The following CEP350 variants were observed in gnomAD, a reference collection of about 807,000 sequenced individuals.
CEP350 encodes centrosomal protein 350, also known as centrosome-associated protein 350.
Under a neutral mutation model 331.8 loss-of-function variants are expected in CEP350, and 126 were observed. The ratio of observed to expected loss-of-function variants is 0.38; its 90% confidence interval spans 0.33 to 0.44. CEP350 has a LOEUF of 0.44. Ranked by LOEUF, CEP350 falls within the 20% of genes least tolerant of loss-of-function variation. The probability of loss-of-function intolerance (pLI) is 1.00; values close to 1 mark genes in which losing one functional copy is unlikely to be tolerated. For missense variants in CEP350, 3,406 were observed against 3,634.6 expected (o/e 0.94, Z 1.62); for synonymous variants, 1,200 against 1,259.5 (o/e 0.95, Z 1.00).
intron 1 of CEP350, among the ~76,000 whole-genome samples, chr1:179,980,825 T>A (rs1652224632): frequency 1.3e-5 from 2 of 152,156 alleles, no homozygotes; most frequent in African/African-American, 4.8e-5. Flanking sequence ...CAAAAAACAT[T>A]GTTAGCACAA....
intron 26 of CEP350, among the ~76,000 whole-genome samples, chr1:180,063,730 T>C (rs1319476712): frequency 1.3e-5 from 2 of 152,078 alleles, no homozygotes; most frequent in East Asian, 3.9e-4. Context: ...GGAGGATTGC[T>C]TCAGCCTAGC....
chr1:179,991,518 G>A (rs1055405050), intron 4 of CEP350, among the ~76,000 whole-genome samples: 13 of 151,248 alleles, frequency 8.6e-5, no homozygotes, highest in Admixed American at 3.3e-4. Context: ...TCAAACTCCT[G>A]ACCTCGTGAT....
chr1:180,016,361 G>T (rs1009470931), intron 11 of CEP350, among the ~76,000 whole-genome samples: 8 of 152,256 alleles, frequency 5.3e-5, no homozygotes, highest in African/African-American at 1.9e-4. Flanking sequence ...TTTAGCCATT[G>T]TACTTTCGAG....
chr1:179,973,134 TG>T (rs1651581986), intron 1 of CEP350, among the ~76,000 whole-genome samples: 1 of 152,232 alleles, frequency 6.6e-6, no homozygotes, highest in South Asian at 2.1e-4. Context: ...CCCAAAGTGC[TG>T]GGATTACAGG....
Position 180,093,930 on chromosome 1 carries a change from A to C in CEP350, c.7825A>C (p.Ser2609Arg). ...EGPKDREKDV[S>R]EYFYEKSLPS... ...TCCAAAAGACAGAGAAAAGGATGTC[A>C]GTGAATATTTTTATGAGAAATCCCT... Residue 2609 changes from serine (S) to arginine (R), a missense_variant, in exon 34 of 38, where the codon AGT (serine) becomes CGT (arginine). Coordinates refer to ENST00000367607, the MANE Select transcript of CEP350 (RefSeq NM_014810.5). 1.2e-6 allele frequency: 2 copies of C among 1,613,918 alleles called. No individual in the cohort carries two copies. Among genetic ancestry groups the C allele is most frequent in the Non-Finnish European group, 1.7e-6 (2 of 1,179,840 alleles).
intron 15 of CEP350, among the ~76,000 whole-genome samples, chr1:180,033,619 C>T (rs1207638575): frequency 6.6e-6 from 1 of 152,090 alleles, no homozygotes; most frequent in East Asian, 1.9e-4. Flanking sequence ...CAAGCTACTC[C>T]CTTTCCATTG....
rs1280327095 is a variant in CEP350 at position 180,095,697 on chromosome 1, G to T, written c.8686G>T (p.Val2896Leu). 2.5e-6 allele frequency: 4 copies of T among 1,613,804 alleles called. No homozygotes were observed. The East Asian group carries it at 6.7e-5, about 27-fold the overall frequency. Residue 2896 changes from valine to leucine, a missense_variant, in exon 35 of 38, where the codon GTA (valine) becomes TTA (leucine). Coordinates refer to ENST00000367607, the MANE Select transcript of CEP350 (RefSeq NM_014810.5). ...IQKNKAEETI[V>L]PLMAEPKRVT... ...AAAAAATAAGGCAGAAGAAACCATT[G>T]TACCTCTAATGGCAGAACCTAAAAG...
intron 1 of CEP350, among the ~76,000 whole-genome samples, chr1:179,956,145 G>A (rs1650154456): frequency 6.6e-6 from 1 of 152,120 alleles, no homozygotes; most frequent in Non-Finnish European, 1.5e-5. Flanking sequence ...TGACTTTGAG[G>A]GATTGTTAGA....
chr1:180,109,812 T>A (rs1572016038), intron 37 of CEP350, among the ~76,000 whole-genome samples: 1 of 152,232 alleles, frequency 6.6e-6, no homozygotes, highest in Non-Finnish European at 1.5e-5. Context: ...ATTTTGTATT[T>A]TTAGTAGAGA....
chr1:180,044,155 A>G lies in CEP350; in HGVS notation c.4604A>G (p.Tyr1535Cys), dbSNP rs201773996. The change falls in exon 21 of 38, where the codon TAC becomes TGC. Residue 1535 changes from tyrosine to cysteine, a missense_variant. Physicochemically the swap from Tyr to Cys is radical, Grantham distance 194 (BLOSUM62 -2). This residue lies in a region of CEP350 where 1,857 missense variants were observed against 1,909.2 expected (regional missense o/e 0.97). Transcript: ENST00000367607. The stretch of plus-strand genomic sequence containing the variant: ...GATAGTTATTCTGAGTCTTCAGGAT[A>G]CAAGAATCATGATAGAAGGTGAAGA... The part of the protein sequence containing the change: ...SYDSYSESSG[Y>C]KNHDRRSSSG... 5 of 1,566,926 alleles carry G rather than the reference A, an allele frequency of 3.2e-6. No homozygotes were observed. The East Asian group carries it at 1.2e-4, about 36-fold the overall frequency.
At chr1:179,965,615 CTTTTTTTT>C (rs747027286) in intron 1 of CEP350, among the ~76,000 whole-genome samples, 6 of 84,390 alleles carry the variant, frequency 7.1e-5, no homozygotes, top group African/African-American at 9.4e-5. Context: ...TTTTTCTTTT[CTTTTTTTT>C]TTTTTTTTTT....
At chr1:179,992,948 A>G (rs1653198888) in intron 5 of CEP350, among the ~76,000 whole-genome samples, 1 of 152,204 alleles carries the variant, frequency 6.6e-6, no homozygotes, top group African/African-American at 2.4e-5. Flanking sequence ...AAGAAGTTTC[A>G]TGATGATACT....
rs1477406960 is a variant in CEP350 at position 180,033,885 on chromosome 1, C to G, written c.3749C>G (p.Ser1250Cys). ...AGTGTCTCATCAGATAAGGGAAGAT[C>G]TCAGAAAACTCCAACTTCTCCCCTG... ...SVSVSSDKGR[S>C]QKTPTSPLSP... is the part of the protein sequence containing the mutation. Residue 1250 changes from serine (S) to cysteine (C), a missense_variant, in exon 16 of 38, where the codon TCT becomes TGT. Physicochemically the swap from Ser to Cys is moderately radical, Grantham distance 112. Coordinates refer to ENST00000367607, the MANE Select transcript of CEP350 (RefSeq NM_014810.5). The G allele has an allele frequency of 6.2e-7, 1 of 1,613,810 alleles. No homozygotes were observed. Among genetic ancestry groups the G allele is most frequent in the Non-Finnish European group, 8.5e-7 (1 of 1,179,784 alleles).
At chr1:179,983,516 T>C (rs1469670355) in intron 1 of CEP350, among the ~76,000 whole-genome samples, 1 of 152,274 alleles carries the variant, frequency 6.6e-6, no homozygotes, top group Non-Finnish European at 1.5e-5. Context: ...ATTACAGGCT[T>C]GAGCCACTGT....
chr1:180,088,723 G>A (rs980693600), intron 32 of CEP350, among the ~76,000 whole-genome samples: 2 of 152,196 alleles, frequency 1.3e-5, no homozygotes, highest in African/African-American at 4.8e-5. Context: ...TTATTTAACC[G>A]CTCTGTGCTT....
chr1:180,092,685 G>A lies in CEP350; in HGVS notation c.6580G>A (p.Glu2194Lys). The A allele has an allele frequency of 6.2e-7, 1 of 1,613,170 alleles. No individual in the cohort carries two copies. Among genetic ancestry groups the A allele is most frequent in the Non-Finnish European group, 8.5e-7 (1 of 1,179,498 alleles). Residue 2194 changes from glutamate (E) to lysine (K), a missense_variant, in exon 34 of 38, where the codon GAA (glutamate) becomes AAA (lysine). Around this residue, in one of 5 missense-constraint regions of CEP350, gnomAD observed 1,415 missense variants for 1,512.3 expected, o/e 0.94. Coordinates refer to ENST00000367607, the MANE Select transcript of CEP350 (RefSeq NM_014810.5). The stretch of plus-strand genomic sequence containing the variant: ...ATCTGCATATGCAAAGAGAGTAAAT[G>A]AATGGGACAGTCGAACAGAAGATTT... ...SLSAYAKRVN[E>K]WDSRTEDFQT...
At chr1:180,051,517 AGTT>A (rs1200804383) in intron 22 of CEP350, among the ~76,000 whole-genome samples, 1 of 152,228 alleles carries the variant, frequency 6.6e-6, no homozygotes, top group Non-Finnish European at 1.5e-5. Context: ...TACATAGAGT[AGTT>A]GTTCTGTGTG....
intron 27 of CEP350, among the ~76,000 whole-genome samples, chr1:180,074,070 CATG>C (rs1169767190): frequency 6.6e-6 from 1 of 151,964 alleles, no homozygotes; most frequent in Non-Finnish European, 1.5e-5. Context: ...ATTAATTTGA[CATG>C]ATGATGGCTC....
chr1:179,965,619 T>TC lies in CEP350; in HGVS notation c.-14+10477_-14+10478insC, dbSNP rs1374977063. 8.4e-3 allele frequency among the ~76,000 whole-genome samples: 1,168 copies of TC among 139,230 alleles called. 8 individuals carry two copies. Among genetic ancestry groups the TC allele is most frequent in the Middle Eastern group, 0.04 (11 of 278 alleles). The allele number at this position is 139,230 out of a possible 152,430, so 91.3% of individuals were successfully genotyped here. A position where few individuals can be genotyped will look rare whatever the true frequency, so the allele number is the denominator to read the frequency against. Reference sequence around the variant, plus strand: ...GATCTTTTTTCTTTTTCTTTTCTTTTTTTTTTTTTTTTTTTTTTGAGATAG... The same window carrying TC: ...GATCTTTTTTCTTTTTCTTTTCTTTTCTTTTTTTTTTTTTTTTTTGAGATAG... On this transcript the variant is annotated intron_variant, in intron 1 of 37. Transcript: ENST00000367607.
Sources: gnomAD v4.1 joint callset for allele counts (sites outside exome capture counted in the v4.1 genomes callset) on GRCh38, gnomAD v4.1.1 for gene constraint, gnomAD v4.1.1 regional missense constraint, MANE v1.5 for transcripts, NCBI Gene and HGNC (gene_info 2026-07-23, HGNC 2026-07-21) for gene names.